Variants in TRIQK observed in about 807,000 individuals in gnomAD.
TRIQK encodes the protein triple QxxK/R motif containing.
Under a neutral mutation model 10.8 loss-of-function variants are expected in TRIQK, and 10 were observed. The ratio of observed to expected loss-of-function variants is 0.92; its 90% confidence interval spans 0.57 to 1.57. TRIQK has a LOEUF of 1.57. TRIQK is among the 40% of genes most tolerant of loss of function. The pLI is 0.00. For synonymous variants in TRIQK, 33 were observed against 33.7 expected, an observed-to-expected ratio of 0.98 and a Z score of 0.07; for missense variants, 107 against 97.7, an observed-to-expected ratio of 1.09 and a Z score of -0.40.
chr8:92,888,111 A>T (rs1816577931), intron 4 of TRIQK, among the ~76,000 whole-genome samples: 1 of 151,656 alleles, frequency 6.6e-6, no homozygotes, highest in African/African-American at 2.4e-5. Flanking sequence ...TTACACAGCT[A>T]CTAATTTTAA....
Position 92,913,043 on chromosome 8 carries a change from A to G in TRIQK, c.61+3886T>C, listed in dbSNP as rs139780573. The stretch of plus-strand genomic sequence containing the variant: ...GACCACTATTCTCTTATGAACATAA[A>G]ACAAAAATCCTCAAGAAAATATTAG... On this transcript the variant is annotated intron_variant, in intron 3 of 4. Transcript: ENST00000521988. 1.8e-3 allele frequency among the ~76,000 whole-genome samples: 270 copies of G among 152,284 alleles called. 1 individual carries two copies. Among genetic ancestry groups the G allele is most frequent in the African/African-American group, 6.3e-3 (262 of 41,566 alleles).
chr8:92,992,936 A>G (rs1224078235), intron 1 of TRIQK, among the ~76,000 whole-genome samples: 2 of 152,256 alleles, frequency 1.3e-5, no homozygotes, highest in African/African-American at 4.8e-5. Flanking sequence ...ATTTACTCAT[A>G]TTAACAACCA....
intron 2 of TRIQK, among the ~76,000 whole-genome samples, chr8:92,931,971 A>C (rs1187411242): frequency 6.6e-6 from 1 of 152,200 alleles, no homozygotes; most frequent in Non-Finnish European, 1.5e-5. Flanking sequence ...AGATATGAGA[A>C]TATCACAATA....
In TRIQK at chr8:92,884,304, G is replaced by A. The variant is rs1004064642; in HGVS notation, c.*2318C>T. On this transcript the variant is annotated 3_prime_UTR_variant, in exon 5 of 5. Coordinates refer to ENST00000521988, the MANE Select transcript of TRIQK (RefSeq NM_001171797.2). ...TCCCAATCTGGGATTTCTCTACAGA[G>A]GGTTGGCTGCTTCCCAGTTAATGTG... 1.9e-5 allele frequency: 3 copies of A among 154,902 alleles called. No individual in the cohort carries two copies. Among genetic ancestry groups the A allele is most frequent in the Admixed American group, 6.4e-5 (1 of 15,694 alleles). The allele number at this position is 154,902 out of a possible 1,614,324, so 9.6% of individuals were successfully genotyped here.
chr8:92,970,853 G>A (rs1327156645), upstream of TRIQK, among the ~76,000 whole-genome samples: 3 of 152,088 alleles, frequency 2.0e-5, no homozygotes, highest in South Asian at 2.1e-4. Context: ...TTGATCTTTT[G>A]TCATGAAATC....
intron 2 of TRIQK, among the ~76,000 whole-genome samples, chr8:92,936,972 A>C (rs1811019703): frequency 6.6e-6 from 1 of 151,740 alleles, no homozygotes; most frequent in African/African-American, 2.4e-5. Context: ...GTAATTAATA[A>C]AATATTTGAG....
chr8:92,931,994 G>A (rs890547296), intron 2 of TRIQK, among the ~76,000 whole-genome samples: 2 of 152,188 alleles, frequency 1.3e-5, no homozygotes, highest in Admixed American at 1.3e-4. Context: ...AGGTTATGCT[G>A]AGATAGACTG....
At chr8:92,988,065 G>A (rs1479867389) in intron 1 of TRIQK, among the ~76,000 whole-genome samples, 1 of 141,690 alleles carries the variant, frequency 7.1e-6, no homozygotes, top group African/African-American at 2.6e-5. Flanking sequence ...GGAGTGCAGT[G>A]GCGCGATCTC....
intron 1 of TRIQK, among the ~76,000 whole-genome samples, chr8:92,956,493 T>C (rs1051443057): frequency 1.5e-4 from 23 of 151,810 alleles, no homozygotes; most frequent in Non-Finnish European, 3.2e-4. Context: ...ATTGTAAAAA[T>C]TCCTGAATTA....
chr8:92,980,773 T>C (rs955631936), intron 1 of TRIQK, among the ~76,000 whole-genome samples: 6 of 151,920 alleles, frequency 3.9e-5, no homozygotes, highest in African/African-American at 1.4e-4. Context: ...TCATAATGTG[T>C]TTCTCCTTTA....
intron 1 of TRIQK, among the ~76,000 whole-genome samples, chr8:92,956,022 G>C (rs918600566): frequency 1.3e-5 from 2 of 151,626 alleles, no homozygotes; most frequent in African/African-American, 4.8e-5. Flanking sequence ...AAAAATGCAC[G>C]GAGTTACCAC....
chr8:92,956,886 G>C (rs1158837616), intron 1 of TRIQK, among the ~76,000 whole-genome samples: 5 of 151,944 alleles, frequency 3.3e-5, no homozygotes, highest in East Asian at 3.9e-4. Flanking sequence ...TATTAATGAT[G>C]ATTGTTAATA....
chr8:92,898,740 G>A (rs1416823294), intron 3 of TRIQK, among the ~76,000 whole-genome samples: 1 of 150,358 alleles, frequency 6.7e-6, no homozygotes, highest in Non-Finnish European at 1.5e-5. Flanking sequence ...AAAGCTCAGT[G>A]TTGGTAATCT....
At chr8:92,902,724 C>T (rs1006355440) in intron 3 of TRIQK, among the ~76,000 whole-genome samples, 1 of 152,040 alleles carries the variant, frequency 6.6e-6, no homozygotes, top group Non-Finnish European at 1.5e-5. Context: ...ATGTGAAAAT[C>T]TGTCCTTTAA....
At chr8:92,896,820 CTT>C (rs554330610) in intron 3 of TRIQK, among the ~76,000 whole-genome samples, 13 of 140,986 alleles carry the variant, frequency 9.2e-5, no homozygotes, top group Admixed American at 2.1e-4. Context: ...CTTTTTCTTT[CTT>C]TTTTTTTTTT....
chr8:93,003,733 T>A (rs1813238816), intron 1 of TRIQK, among the ~76,000 whole-genome samples: 1 of 152,174 alleles, frequency 6.6e-6, no homozygotes, highest in African/African-American at 2.4e-5. Flanking sequence ...ACCTCCAGGA[T>A]ACAATGAGCG....
intron 3 of TRIQK, 83 bp downstream of exon 3, chr8:92,916,846 A>G (rs995529195): frequency 2.0e-6 from 2 of 1,020,350 alleles, no homozygotes; most frequent in Admixed American, 3.7e-5. Flanking sequence ...CATATGTATT[A>G]GAGAAAATTT....
chr8:92,949,681 AAAGAAAGAAAGAAAGAAAAGAGAAAG>A, intron 2 of TRIQK, among the ~76,000 whole-genome samples: 1 of 95,184 alleles, frequency 1.1e-5, no homozygotes, highest in African/African-American at 5.7e-5. Context: ...GGAAAGAAAG[AAAGAAAGAAAGAAAGAAAAGAGAAAG>A]GAAGGGAGGG....
upstream of TRIQK, among the ~76,000 whole-genome samples, chr8:92,967,197 T>C (rs894074770): frequency 7.2e-5 from 11 of 151,978 alleles, no homozygotes; most frequent in African/African-American, 2.4e-4. Context: ...TACTTATGTG[T>C]GTGGCTTTAA....
Sources: allele counts gnomAD v4.1 joint callset (sites outside exome capture counted in the v4.1 genomes callset), GRCh38; gene constraint gnomAD v4.1.1; transcripts MANE v1.5; gene names NCBI Gene and HGNC (gene_info 2026-07-23, HGNC 2026-07-21).